Variants in GRM7 observed in about 807,000 individuals in gnomAD.
The protein encoded by GRM7 is glutamate metabotropic receptor 7.
GRM7 carries 35 observed loss-of-function variants against 84.5 expected under a neutral mutation model. The observed-to-expected ratio is 0.41, with a 90% CI of 0.32 to 0.55. The LOEUF (loss-of-function observed/expected upper bound fraction) is 0.55, where lower values mean the gene tolerates loss of function less well. Ranked by LOEUF, GRM7 falls within the 20% of genes least tolerant of loss-of-function variation. The pLI is 0.19. For synonymous variants in GRM7, 487 were observed against 455.1 expected (o/e 1.07, Z -0.89); for missense variants, 1,003 against 1,194.6 (o/e 0.84, Z 2.36).
Position 7,634,254 on chromosome 3 carries a change from ACTC to A in GRM7, c.2452-45791_2452-45789del, listed in dbSNP as rs1404463492. On this transcript the variant is annotated intron_variant, in intron 8 of 9. Transcript: ENST00000357716. ...TAGCTAAAGCAAGTAGTTTGCTAAAACTCCTCATCTATTTACCCTGACCAACTG... is the reference window on the plus strand; with the variant it reads ...TAGCTAAAGCAAGTAGTTTGCTAAAACTCATCTATTTACCCTGACCAACTG... 5.3e-5 allele frequency among the ~76,000 whole-genome samples: 8 copies of A among 151,960 alleles called. No homozygotes were observed. The East Asian group carries it at 1.6e-3, about 30-fold the overall frequency.
intron 6 of GRM7, among the ~76,000 whole-genome samples, chr3:7,458,706 C>T (rs1698121285): frequency 6.6e-6 from 1 of 152,174 alleles, no homozygotes; most frequent in South Asian, 2.1e-4. Flanking sequence ...CACTTGAGTT[C>T]CTCTGGAGCC....
chr3:7,111,472 A>G (rs964679848), intron 1 of GRM7, among the ~76,000 whole-genome samples: 1 of 152,136 alleles, frequency 6.6e-6, no homozygotes, highest in Non-Finnish European at 1.5e-5. Context: ...TATTTGATTC[A>G]AATTATAAAG....
chr3:7,161,464 A>T (rs1499142), intron 2 of GRM7, among the ~76,000 whole-genome samples: 3,289 of 151,916 alleles, frequency 0.022, 105 homozygotes, highest in African/African-American at 0.074. Flanking sequence ...CACTTACTCT[A>T]ATCTAGTTTC....
intron 1 of GRM7, among the ~76,000 whole-genome samples, chr3:7,109,423 C>T (rs1438670386): frequency 6.6e-6 from 1 of 152,154 alleles, no homozygotes; most frequent in Non-Finnish European, 1.5e-5. Flanking sequence ...CTCCTCCCTC[C>T]ACCCTACCAA....
intron 2 of GRM7, among the ~76,000 whole-genome samples, chr3:7,269,984 A>T (rs1698793511): frequency 6.6e-6 from 1 of 152,106 alleles, no homozygotes; most frequent in Non-Finnish European, 1.5e-5. Flanking sequence ...TATCTCTCAA[A>T]CTTTAGCATG....
At chr3:7,721,506 C>T (rs1011426929) in intron 9 of GRM7, among the ~76,000 whole-genome samples, 38 of 152,206 alleles carry the variant, frequency 2.5e-4, no homozygotes, top group African/African-American at 9.2e-4. Flanking sequence ...CCAGTCTTCA[C>T]TTGATCAGTG....
At chr3:7,304,257 A>C (rs1028039904) in intron 3 of GRM7, among the ~76,000 whole-genome samples, 2 of 145,942 alleles carry the variant, frequency 1.4e-5, no homozygotes, top group African/African-American at 5.0e-5. Context: ...AAAATTTTAA[A>C]GTCTTTTTGT....
intron 4 of GRM7, among the ~76,000 whole-genome samples, chr3:7,389,133 C>T (rs1419499941): frequency 6.6e-6 from 1 of 152,068 alleles, no homozygotes; most frequent in African/African-American, 2.4e-5. Flanking sequence ...TCCTTGTTTA[C>T]CCATAAGTCA....
In GRM7 at chr3:7,421,694, C is replaced by CTCTT. The variant is rs548421368; in HGVS notation, c.1174+6532_1174+6535dup. ...GATGTGAAGGCTACTGCAGCATGGACTCTTGGTCCTGACCTCAGGGCTTCT... is the reference window on the plus strand; with the variant it reads ...GATGTGAAGGCTACTGCAGCATGGACTCTTTCTTGGTCCTGACCTCAGGGCTTCT... On this transcript the variant is annotated intron_variant, in intron 5 of 9. Coordinates refer to ENST00000357716, the MANE Select transcript of GRM7 (RefSeq NM_000844.4). 6.5e-3 allele frequency among the ~76,000 whole-genome samples: 987 copies of CTCTT among 152,062 alleles called. 37 individuals are homozygous for CTCTT. The highest frequency in any genetic ancestry group is 0.057 in the Admixed American group (874 of 15,238).
At chr3:7,114,672 G>A (rs1364793565) in intron 1 of GRM7, among the ~76,000 whole-genome samples, 1 of 152,114 alleles carries the variant, frequency 6.6e-6, no homozygotes, top group Admixed American at 6.6e-5. Flanking sequence ...AATCACCACA[G>A]AACTTGTGTT....
chr3:7,735,607 AC>A (rs2106530194), intron 9 of GRM7, among the ~76,000 whole-genome samples: 1 of 152,288 alleles, frequency 6.6e-6, no homozygotes, highest in South Asian at 2.1e-4. Flanking sequence ...GAAAAAATGA[AC>A]TTTTACATAA....
chr3:7,570,206 C>G (rs1190073834), intron 7 of GRM7, among the ~76,000 whole-genome samples: 1 of 152,096 alleles, frequency 6.6e-6, no homozygotes, highest in Non-Finnish European at 1.5e-5. Flanking sequence ...CTGGCCCCTC[C>G]CAAATCTCAT....
chr3:7,238,585 A>G (rs1047272584), intron 2 of GRM7, among the ~76,000 whole-genome samples: 9 of 152,176 alleles, frequency 5.9e-5, no homozygotes, highest in African/African-American at 1.9e-4. Flanking sequence ...CAGGCTTAGC[A>G]TACAGAAGAA....
At chr3:7,020,811 A>G (rs1269367575) in intron 1 of GRM7, among the ~76,000 whole-genome samples, 3 of 152,148 alleles carry the variant, frequency 2.0e-5, no homozygotes, top group Admixed American at 6.5e-5. Flanking sequence ...TTACTGGGCA[A>G]TTCATTGTAA....
intron 9 of GRM7, among the ~76,000 whole-genome samples, chr3:7,715,020 G>T (rs972852906): frequency 2.0e-5 from 3 of 152,190 alleles, no homozygotes; most frequent in African/African-American, 7.2e-5. Flanking sequence ...CAAGGCTCTT[G>T]CAGGAACATA....
At chr3:6,952,591 A>T (rs992179452) in intron 1 of GRM7, among the ~76,000 whole-genome samples, 2 of 152,194 alleles carry the variant, frequency 1.3e-5, no homozygotes, top group Non-Finnish European at 2.9e-5. Context: ...TATGAATGCG[A>T]TAAGCTGGGG....
At chr3:7,205,460 T>G (rs1408131282) in intron 2 of GRM7, among the ~76,000 whole-genome samples, 2 of 152,174 alleles carry the variant, frequency 1.3e-5, no homozygotes, top group African/African-American at 4.8e-5. Context: ...TGGCCTTAAT[T>G]CAGAAGCACA....
intron 9 of GRM7, among the ~76,000 whole-genome samples, chr3:7,731,462 G>A (rs1702329125): frequency 6.6e-6 from 1 of 152,168 alleles, no homozygotes; most frequent in Non-Finnish European, 1.5e-5. Flanking sequence ...AACAGTAAGC[G>A]AGCTAACTCA....
At chr3:6,989,969 C>T (rs189197893) in intron 1 of GRM7, among the ~76,000 whole-genome samples, 1 of 152,330 alleles carries the variant, frequency 6.6e-6, no homozygotes, top group African/African-American at 2.4e-5. Context: ...CTTCAGGGCT[C>T]CTCTTTCCTC....
Sources: gnomAD v4.1 joint callset for allele counts (sites outside exome capture counted in the v4.1 genomes callset) on GRCh38, gnomAD v4.1.1 for gene constraint, MANE v1.5 for transcripts, NCBI Gene and HGNC (gene_info 2026-07-23, HGNC 2026-07-21) for gene names.